ABCA4: variants seen among roughly 807,000 people sequenced by gnomAD.
ABCA4 encodes the protein retinal-specific phospholipid-transporting ATPase ABCA4.
In ABCA4, 196 loss-of-function variants were observed where a neutral mutation model predicts 263.7. The ratio of observed to expected loss-of-function variants is 0.74; its 90% CI spans 0.66 to 0.84. ABCA4 has a LOEUF of 0.84. Ranked by LOEUF, ABCA4 falls within the 40% of genes least tolerant of loss-of-function variation. The pLI, the probability that ABCA4 is intolerant of heterozygous loss-of-function variation, is 0.00. For synonymous variants in ABCA4, 1,133 were observed against 1,094.2 expected (o/e 1.04, Z -0.70); for missense variants, 2,792 against 2,855.1 (o/e 0.98, Z 0.50).
intron 42 of ABCA4, 100 bp downstream of exon 42, chr1:94,008,135 C>A (rs1212686719): frequency 8.4e-6 from 9 of 1,069,830 alleles, no homozygotes; most frequent in Admixed American, 1.9e-5. Flanking sequence ...TGCATTATGG[C>A]ATTATGTTCC....
intron 19 of ABCA4, among the ~76,000 whole-genome samples, chr1:94,045,318 CTTT>C (rs10717749): frequency 2.0e-4 from 27 of 132,622 alleles, no homozygotes; most frequent in Non-Finnish European, 2.2e-4. Flanking sequence ...CAATGGTGGG[CTTT>C]TTTTTTTTTT....
intron 45 of ABCA4, 150 bp from the exon 46 acceptor site, chr1:94,001,255 G>C (rs943689275): frequency 4.5e-6 from 3 of 664,626 alleles, no homozygotes; most frequent in Non-Finnish European, 7.9e-6. Context: ...GGGTACCCTG[G>C]TGTAGGGTAG....
chr1:94,089,959 C>A (rs1298273376), intron 6 of ABCA4, among the ~76,000 whole-genome samples: 1 of 152,184 alleles, frequency 6.6e-6, no homozygotes, highest in Non-Finnish European at 1.5e-5. Flanking sequence ...TCCATCCCAG[C>A]AGCTCAGGGC....
intron 5 of ABCA4, among the ~76,000 whole-genome samples, chr1:94,102,746 G>GTGCCC (rs938400327): frequency 6.6e-6 from 1 of 152,172 alleles, no homozygotes; most frequent in African/African-American, 2.4e-5. Context: ...AGAGAAGGTT[G>GTGCCC]TGCCCCATGA....
rs1658912930 is a variant in ABCA4 at position 93,993,121 on chromosome 1, T to C, written c.*116A>G. The C allele has an allele frequency of 2.9e-6, 4 of 1,373,830 alleles. No individual in the cohort carries two copies. Among genetic ancestry groups the C allele is most frequent in the East Asian group, 2.3e-5 (1 of 43,330 alleles). 85.1% of individuals were successfully genotyped at this position (1,373,830 alleles called of 1,614,324 possible). A position where few individuals can be genotyped will look rare whatever the true frequency, so the allele number is the denominator to read the frequency against. The stretch of plus-strand genomic sequence containing the variant: ...TGCTCCTCGTGTGTTTGTTTTCTGC[T>C]GCAGTGGGGTCATTTACGCTGGCCA... On this transcript the variant is annotated 3_prime_UTR_variant, in exon 50 of 50. Transcript: ENST00000370225.
chr1:94,042,031 G>A (rs140279515), intron 22 of ABCA4, among the ~76,000 whole-genome samples: 5,489 of 150,546 alleles, frequency 0.036, 346 homozygotes, highest in African/African-American at 0.13. Context: ...CCCAGGAGGC[G>A]GAGCTTGCAG....
intron 19 of ABCA4, among the ~76,000 whole-genome samples, chr1:94,046,473 A>AAAAAAAAAAAAAAAAAAAAG (rs71094277): frequency 4.1e-5 from 5 of 120,844 alleles, no homozygotes; most frequent in Non-Finnish European, 5.4e-5. Context: ...AAAAAAAAAA[A>AAAAAAAAAAAAAAAAAAAAG]AAAGAAAAGA....
At chr1:94,043,092 G>A (rs569442683) in intron 21 of ABCA4, among the ~76,000 whole-genome samples, 194 bp from the exon 22 acceptor site, 21 of 152,300 alleles carry the variant, frequency 1.4e-4, no homozygotes, top group East Asian at 9.6e-4. Flanking sequence ...TCACCTCCTC[G>A]GATCAGACCC....
chr1:94,055,428 C>T (rs1557784220), intron 15 of ABCA4, 113 bp from the exon 16 acceptor site: 6 of 1,053,802 alleles, frequency 5.7e-6, no homozygotes, highest in Admixed American at 2.0e-5. Context: ...CCCATTGTCT[C>T]TCAGTGTAAG....
intron 48 of ABCA4, among the ~76,000 whole-genome samples, chr1:93,996,418 G>C (rs920235163): frequency 1.3e-5 from 2 of 152,190 alleles, no homozygotes; most frequent in African/African-American, 4.8e-5. Context: ...TGCCACAGGA[G>C]TTCCTGCTGG....
At chr1:94,021,496 G>GA in intron 34 of ABCA4, 87 bp from the exon 35 acceptor site, 1 of 1,578,922 alleles carries the variant, frequency 6.3e-7, no homozygotes, top group East Asian at 2.2e-5. Context: ...TGAGAAGCAG[G>GA]AAGGGTTTGG....
intron 3 of ABCA4, 28 bp downstream of exon 3, chr1:94,111,410 C>T: frequency 6.2e-7 from 1 of 1,612,800 alleles, no homozygotes; most frequent in Admixed American, 1.7e-5. Context: ...AACTTCCTCC[C>T]CTGCATGGTA....
chr1:94,062,849 A>G (rs1163655847), intron 12 of ABCA4, 96 bp from the exon 13 acceptor site: 4 of 1,361,132 alleles, frequency 2.9e-6, no homozygotes, highest in Non-Finnish European at 4.1e-6. Context: ...TTCTCTTAAA[A>G]TCTTTCTCCT....
rs368630588 is a variant in ABCA4 at position 94,032,125 on chromosome 1, G to A, written c.3863-82C>T. The stretch of plus-strand genomic sequence containing the variant: ...AATGCCATTTTTTTTTTCCCTTACA[G>A]CATTGATTTTCCTCTTCATTTAAGT... On this transcript the variant is annotated intron_variant, in intron 26 of 49. Coordinates refer to ENST00000370225, the MANE Select transcript of ABCA4 (RefSeq NM_000350.3). 12 of 1,533,762 alleles carry A rather than the reference G, an allele frequency of 7.8e-6. No homozygotes were observed. In the South Asian group the frequency reaches 1.0e-4, roughly 13 times the overall value.
At chr1:94,036,112 C>T (rs1051810192) in intron 26 of ABCA4, among the ~76,000 whole-genome samples, 2 of 151,918 alleles carry the variant, frequency 1.3e-5, no homozygotes, top group African/African-American at 2.4e-5. Context: ...GGATCAGAGG[C>T]CTGGTGGAGA....
intron 26 of ABCA4, among the ~76,000 whole-genome samples, chr1:94,033,444 A>T (rs951415328): frequency 6.6e-6 from 1 of 152,014 alleles, no homozygotes; most frequent in Admixed American, 6.5e-5. Flanking sequence ...AAAAGAAAAA[A>T]AAAAAGAACA....
rs571814526 is a variant in ABCA4 at position 94,063,807 on chromosome 1, G to A, written c.1555-490C>T. On this transcript the variant is annotated intron_variant, in intron 11 of 49. Coordinates refer to ENST00000370225, the MANE Select transcript of ABCA4 (RefSeq NM_000350.3). ...TGGCCAGCTGAGGGAAGAGCAAGGAGGAAGAGAGAAAATAACAGACAGCCA... is the reference window on the plus strand; with the variant it reads ...TGGCCAGCTGAGGGAAGAGCAAGGAAGAAGAGAGAAAATAACAGACAGCCA... 7.2e-5 allele frequency among the ~76,000 whole-genome samples: 11 copies of A among 152,270 alleles called. No individual in the cohort carries two copies. In the South Asian group the frequency reaches 2.3e-3, roughly 32 times the overall value.
At chr1:94,119,818 T>C (rs1289174126) in intron 1 of ABCA4, among the ~76,000 whole-genome samples, 1 of 152,190 alleles carries the variant, frequency 6.6e-6, no homozygotes, top group Non-Finnish European at 1.5e-5. Context: ...TTCATAGGCC[T>C]TCACCTGTTC....
intron 9 of ABCA4, 90 bp from the exon 10 acceptor site, chr1:94,078,796 TA>T: frequency 2.2e-6 from 2 of 898,848 alleles, no homozygotes. Flanking sequence ...CCCTATCACT[TA>T]GTGTTAGGGA....
Sources: gnomAD v4.1 joint callset for allele counts (sites outside exome capture counted in the v4.1 genomes callset) on GRCh38, gnomAD v4.1.1 for gene constraint, MANE v1.5 for transcripts, NCBI Gene and HGNC (gene_info 2026-07-23, HGNC 2026-07-21) for gene names.